Variants in TMEM217 observed in about 807,000 individuals in gnomAD.
TMEM217 encodes the protein chromosome 6 open reading frame 128.
For missense variants in TMEM217, 204 were observed against 248.8 expected, an observed-to-expected ratio of 0.82 and a Z score of 1.21; for synonymous variants, 76 against 88.3, an observed-to-expected ratio of 0.86 and a Z score of 0.78.
At chr6:37,224,515 G>A (rs903669776) in intron 1 of TMEM217, among the ~76,000 whole-genome samples, 32 of 151,782 alleles carry the variant, frequency 2.1e-4, no homozygotes, top group African/African-American at 6.3e-4. Flanking sequence ...GGAGAATGGC[G>A]TGAACCCAGG....
exon 1 of TMEM217, chr6:37,257,831 T>G: frequency 6.8e-7 from 1 of 1,478,276 alleles, no homozygotes; most frequent in Non-Finnish European, 9.2e-7. Context: ...GGAAGCGGCC[T>G]GGGTTGGCCC....
At chr6:37,228,216 C>G (rs1391211489) in intron 1 of TMEM217, among the ~76,000 whole-genome samples, 1 of 151,846 alleles carries the variant, frequency 6.6e-6, no homozygotes, top group Non-Finnish European at 1.5e-5. Flanking sequence ...GGCAACATAG[C>G]AAGACTCCAT....
At chr6:37,229,339 T>TTTTTTTG (rs1764044955) in intron 1 of TMEM217, among the ~76,000 whole-genome samples, 1 of 122,188 alleles carries the variant, frequency 8.2e-6, no homozygotes, top group Non-Finnish European at 1.7e-5. Flanking sequence ...CTTTCAGTTT[T>TTTTTTTG]TTTTTTTTTT....
chr6:37,217,560 A>G (rs1046311487), downstream of TMEM217: 1 of 853,494 alleles, frequency 1.2e-6, no homozygotes, highest in Non-Finnish European at 1.4e-6. Context: ...TGTTTAACAT[A>G]TATCTTTGAT....
At chr6:37,247,486 A>C (rs759382733) in intron 1 of TMEM217, among the ~76,000 whole-genome samples, 16 of 151,198 alleles carry the variant, frequency 1.1e-4, no homozygotes, top group Non-Finnish European at 7.4e-5. Flanking sequence ...CTCCCGGGTT[A>C]AAGCAATTCT....
Position 37,232,036 on chromosome 6 carries a change from C to G in TMEM217, c.-11-12995G>C, listed in dbSNP as rs1764230422. 1.3e-5 allele frequency among the ~76,000 whole-genome samples: 2 copies of G among 152,058 alleles called. 1 individual carries two copies. The highest frequency in any genetic ancestry group is 4.1e-4 in the South Asian group (2 of 4,830). Reference sequence around the variant, plus strand: ...TTATCTGCTTTCTCCTTACCTGAAACTGGGCAGCTGAAGGATAAGTCACCT... The same window carrying G: ...TTATCTGCTTTCTCCTTACCTGAAAGTGGGCAGCTGAAGGATAAGTCACCT... On this transcript the variant is annotated intron_variant, in intron 1 of 1. Transcript: ENST00000357219.
At chr6:37,233,736 A>G (rs1764334481) in intron 1 of TMEM217, among the ~76,000 whole-genome samples, 4 of 152,308 alleles carry the variant, frequency 2.6e-5, no homozygotes, top group African/African-American at 9.6e-5. Flanking sequence ...ACAATTAACC[A>G]TACAGATGGT....
chr6:37,213,715 C>T (rs887590248), downstream of TMEM217, among the ~76,000 whole-genome samples: 1 of 152,230 alleles, frequency 6.6e-6, no homozygotes, highest in Non-Finnish European at 1.5e-5. Context: ...GTGCCCGAGC[C>T]GACCCTGCTG....
At chr6:37,233,355 C>T (rs1764312903) in intron 1 of TMEM217, among the ~76,000 whole-genome samples, 1 of 152,114 alleles carries the variant, frequency 6.6e-6, no homozygotes. Flanking sequence ...GTCACAACAC[C>T]ACAGACTGGG....
At chr6:37,212,312 C>T (rs553103510) in exon 4 of TMEM217, 9 of 355,012 alleles carry the variant, frequency 2.5e-5, no homozygotes, top group Non-Finnish European at 4.4e-5. Context: ...AACTCAAAAG[C>T]CCTGACAAAC....
downstream of TMEM217, among the ~76,000 whole-genome samples, chr6:37,215,709 G>GAGA: frequency 6.6e-6 from 1 of 152,144 alleles, no homozygotes; most frequent in South Asian, 2.1e-4. Context: ...ATCATTGGAT[G>GAGA]AGAATCAGGG....
chr6:37,252,635 A>ATTTTTTTTTT (rs1489045294), intron 1 of TMEM217, among the ~76,000 whole-genome samples: 4 of 60,392 alleles, frequency 6.6e-5, no homozygotes, highest in African/African-American at 1.2e-4. Flanking sequence ...ATATATATAT[A>ATTTTTTTTTT]TATTTTTTTT....
chr6:37,230,781 A>G (rs1334638855), intron 1 of TMEM217, among the ~76,000 whole-genome samples: 1 of 152,198 alleles, frequency 6.6e-6, no homozygotes, highest in African/African-American at 2.4e-5. Flanking sequence ...TGCTTAACAC[A>G]GTTAAGCAGA....
At chr6:37,215,595 A>G (rs1480246920), downstream of TMEM217, among the ~76,000 whole-genome samples, 1 of 147,340 alleles carries the variant, frequency 6.8e-6, no homozygotes, top group East Asian at 2.0e-4. Flanking sequence ...AAAAAAAAAA[A>G]AAAAAAGAAA....
At chr6:37,216,931 TGGCACC>T (rs1343732686), downstream of TMEM217, among the ~76,000 whole-genome samples, 1 of 152,196 alleles carries the variant, frequency 6.6e-6, no homozygotes, top group Non-Finnish European at 1.5e-5. Flanking sequence ...CCAAACCTAC[TGGCACC>T]TTGATATTGA....
At chr6:37,252,444 C>T (rs1017256829) in intron 1 of TMEM217, among the ~76,000 whole-genome samples, 6 of 151,598 alleles carry the variant, frequency 4.0e-5, no homozygotes, top group African/African-American at 1.5e-4. Context: ...TTGTCAACCC[C>T]TGGTTGACAT....
intron 1 of TMEM217, among the ~76,000 whole-genome samples, chr6:37,234,357 C>T (rs779422041): frequency 3.3e-5 from 5 of 152,150 alleles, no homozygotes; most frequent in Non-Finnish European, 7.3e-5. Flanking sequence ...GCCTTGGCCT[C>T]CCAAAGTGCT....
intron 1 of TMEM217, among the ~76,000 whole-genome samples, chr6:37,245,269 C>T (rs1764993099): frequency 6.6e-6 from 1 of 152,252 alleles, no homozygotes; most frequent in Non-Finnish European, 1.5e-5. Flanking sequence ...TCACTGAAGA[C>T]ACTGCCACTG....
chr6:37,236,966 GC>G (rs1290228545), intron 1 of TMEM217, among the ~76,000 whole-genome samples: 1 of 152,122 alleles, frequency 6.6e-6, no homozygotes, highest in Admixed American at 6.6e-5. Context: ...CTCTGTGTGG[GC>G]TCCTTTGGGC....
Sources: gnomAD v4.1 joint callset for allele counts (sites outside exome capture counted in the v4.1 genomes callset) on GRCh38, gnomAD v4.1.1 for gene constraint, MANE v1.5 for transcripts, NCBI Gene and HGNC (gene_info 2026-07-23, HGNC 2026-07-21) for gene names.